Variants in PDZRN3 observed in about 807,000 individuals in gnomAD.
PDZRN3 encodes PDZ domain containing ring finger 3.
Under a neutral mutation model 85.7 loss-of-function variants are expected in PDZRN3, and 38 were observed. The ratio of observed to expected loss-of-function variants is 0.44; its 90% CI spans 0.34 to 0.58. The LOEUF is 0.58. PDZRN3 is among the 20% of genes least tolerant of loss of function. The pLI is 0.01. For missense variants in PDZRN3, 1,629 were observed against 1,506.4 expected (o/e 1.08, Z -1.35); for synonymous variants, 759 against 638.0 (o/e 1.19, Z -2.86).
At chr3:73,607,035 C>T (rs1702610686) in intron 2 of PDZRN3, among the ~76,000 whole-genome samples, 1 of 152,144 alleles carries the variant, frequency 6.6e-6, no homozygotes, top group Admixed American at 6.5e-5. Context: ...TCAACTCTTT[C>T]CACACTCTGC....
intron 3 of PDZRN3, among the ~76,000 whole-genome samples, chr3:73,445,823 A>G (rs1054009106): frequency 1.3e-5 from 2 of 152,248 alleles, no homozygotes; most frequent in Non-Finnish European, 2.9e-5. Flanking sequence ...ACTAGATCAC[A>G]GGCAACACAT....
rs58852414 is a variant in PDZRN3 at position 73,519,089 on chromosome 3, G to A, written c.918+83265C>T. ...CCCTCATGAGACCACCTCGAAGGGA[G>A]AGACCCCAACCTCACTTATCTACTT... On this transcript the variant is annotated intron_variant, in intron 3 of 9. Transcript: ENST00000263666. Among the ~76,000 whole-genome samples the A allele has an allele frequency of 6.4e-3, 969 of 152,344 alleles. 9 individuals carry two copies. Among genetic ancestry groups the A allele is most frequent in the African/African-American group, 0.022 (907 of 41,576 alleles).
At chr3:73,502,729 A>C (rs780264388) in intron 3 of PDZRN3, among the ~76,000 whole-genome samples, 2 of 152,254 alleles carry the variant, frequency 1.3e-5, no homozygotes, top group Non-Finnish European at 2.9e-5. Flanking sequence ...AAATGGTCAG[A>C]TGGAAAGCAA....
rs1445527499 is a variant in PDZRN3 at position 73,384,799 on chromosome 3, A to C, written c.1767T>G (p.Asn589Lys). Residue 589 changes from asparagine (N) to lysine (K), a missense_variant, in exon 10 of 10, where the codon AAT (asparagine) becomes AAG (lysine). Transcript: ENST00000263666. ...TGGAGGATGCGGTGGCGTCGTCGCC[A>C]TTGTTCTCTTGCTCCGAGCTCTCGT... ...RNDESSEQEN[N>K]GDDATASSNP... 16 of 1,614,002 alleles carry C rather than the reference A, an allele frequency of 9.9e-6. No individual in the cohort carries two copies. Among genetic ancestry groups the C allele is most frequent in the Non-Finnish European group, 1.4e-5 (16 of 1,180,032 alleles).
chr3:73,545,908 G>T (rs148779590), intron 3 of PDZRN3, among the ~76,000 whole-genome samples: 1 of 152,016 alleles, frequency 6.6e-6, no homozygotes, highest in Non-Finnish European at 1.5e-5. Context: ...GGGGAGGATC[G>T]GAGGATCTTT....
chr3:73,383,105 G>C lies in PDZRN3; in HGVS notation c.*260C>G, dbSNP rs1703279948. 3 of 379,898 alleles carry C rather than the reference G, an allele frequency of 7.9e-6. No individual in the cohort carries two copies. The highest frequency in any genetic ancestry group is 1.4e-5 in the Non-Finnish European group (3 of 213,510). 23.5% of individuals were successfully genotyped at this position (379,898 alleles called of 1,614,324 possible). A position where few individuals can be genotyped will look rare whatever the true frequency, so the allele number is the denominator to read the frequency against. ...TGAAATTTAAACACTTTATGTAAAAGGGTACAGGTAGAAAAGTACAATTGC... is the reference window on the plus strand; with the variant it reads ...TGAAATTTAAACACTTTATGTAAAACGGTACAGGTAGAAAAGTACAATTGC... On this transcript the variant is annotated 3_prime_UTR_variant, in exon 10 of 10. Coordinates refer to ENST00000263666, the MANE Select transcript of PDZRN3 (RefSeq NM_015009.3).
chr3:73,590,268 CAA>C (rs10685167), intron 3 of PDZRN3, among the ~76,000 whole-genome samples: 19 of 97,530 alleles, frequency 1.9e-4, no homozygotes, highest in South Asian at 1.1e-3. Context: ...GACTCTGTCT[CAA>C]AAAAAAAAAA....
chr3:73,414,490 A>T (rs768479276), intron 3 of PDZRN3, among the ~76,000 whole-genome samples: 1 of 152,162 alleles, frequency 6.6e-6, no homozygotes, highest in Middle Eastern at 3.2e-3. Flanking sequence ...GTATCACTTG[A>T]TCAAAATTAA....
chr3:73,524,425 T>C (rs983633502), intron 3 of PDZRN3, among the ~76,000 whole-genome samples: 10 of 152,200 alleles, frequency 6.6e-5, no homozygotes, highest in African/African-American at 2.4e-4. Context: ...AGTAACAAAT[T>C]AGCCTCTCTG....
At chr3:73,476,159 G>A (rs1355459414) in intron 3 of PDZRN3, among the ~76,000 whole-genome samples, 4 of 152,120 alleles carry the variant, frequency 2.6e-5, no homozygotes, top group Non-Finnish European at 5.9e-5. Context: ...ATTGCTATAA[G>A]GAACTACCTG....
chr3:73,453,404 CAAAAA>C (rs1184407369), intron 3 of PDZRN3, among the ~76,000 whole-genome samples: 8 of 97,522 alleles, frequency 8.2e-5, no homozygotes, highest in East Asian at 3.0e-4. Flanking sequence ...GACTTCGTCT[CAAAAA>C]AAAAAAAAAA....
rs567687396 is a variant in PDZRN3 at position 73,433,517 on chromosome 3, G to A, written c.919-29122C>T. ...TACACAAAAAAGTCAGAAAGGCTGCGTCTTTCAGAACACAAAATATGCACA... is the reference window on the plus strand; with the variant it reads ...TACACAAAAAAGTCAGAAAGGCTGCATCTTTCAGAACACAAAATATGCACA... On this transcript the variant is annotated intron_variant, in intron 3 of 9. Coordinates refer to ENST00000263666, the MANE Select transcript of PDZRN3 (RefSeq NM_015009.3). 320 of 645,710 alleles carry A rather than the reference G, an allele frequency of 5.0e-4. 1 individual carries two copies. The highest frequency in any genetic ancestry group is 1.5e-3 in the Admixed American group (53 of 35,084). 40.0% of individuals were successfully genotyped at this position (645,710 alleles called of 1,614,324 possible). A position where few individuals can be genotyped will look rare whatever the true frequency, so the allele number is the denominator to read the frequency against.
chr3:73,463,716 A>G (rs1423781796), intron 3 of PDZRN3, among the ~76,000 whole-genome samples: 2 of 152,200 alleles, frequency 1.3e-5, no homozygotes, highest in African/African-American at 4.8e-5. Flanking sequence ...AGACACATTC[A>G]CATGTATGTT....
intron 3 of PDZRN3, among the ~76,000 whole-genome samples, chr3:73,427,858 T>C (rs911769325): frequency 6.6e-6 from 1 of 151,892 alleles, no homozygotes; most frequent in African/African-American, 2.4e-5. Context: ...GTCCAGGAGG[T>C]TGGGGTTGAA....
At position 73,384,435 on chromosome 3, in the gene PDZRN3, G is replaced by T; in HGVS notation, c.2131C>A (p.Leu711Ile). 1 of 1,611,678 alleles carries T rather than the reference G, an allele frequency of 6.2e-7. No individual in the cohort carries two copies. Residue 711 changes from leucine to isoleucine, a missense_variant, in exon 10 of 10, where the codon CTC becomes ATC. Leu to Ile is a conservative substitution (Grantham distance 5). Transcript: ENST00000263666. ...CAGGACTCGCGGTACTGCTCCTTGA[G>T]CTGCTGCATCTTGTGGGCGCGCACG... ...SIVRAHKMQQLKEQYRESWML... is the reference protein window; with the variant it reads ...SIVRAHKMQQIKEQYRESWML...
chr3:73,506,669 A>C (rs1490757244), intron 3 of PDZRN3, among the ~76,000 whole-genome samples: 2 of 152,200 alleles, frequency 1.3e-5, no homozygotes, highest in South Asian at 2.1e-4. Context: ...TTTTCTGGAG[A>C]GATATCTAAA....
At chr3:73,498,061 G>A (rs529291961) in intron 3 of PDZRN3, among the ~76,000 whole-genome samples, 4 of 152,234 alleles carry the variant, frequency 2.6e-5, no homozygotes, top group East Asian at 3.9e-4. Context: ...CTGAAGTTCC[G>A]CCAGAGAAGG....
At chr3:73,398,935 G>GA (rs1701694721) in intron 5 of PDZRN3, among the ~76,000 whole-genome samples, 1 of 152,150 alleles carries the variant, frequency 6.6e-6, no homozygotes, top group Admixed American at 6.5e-5. Flanking sequence ...AAGAGAAATA[G>GA]AAAGCACGTA....
At chr3:73,515,527 C>G (rs988282550) in intron 3 of PDZRN3, among the ~76,000 whole-genome samples, 2 of 152,142 alleles carry the variant, frequency 1.3e-5, no homozygotes, top group African/African-American at 4.8e-5. Context: ...CTCCCAACTC[C>G]AAAAAGTTCC....
Sources: allele counts gnomAD v4.1 joint callset (sites outside exome capture counted in the v4.1 genomes callset), GRCh38; gene constraint gnomAD v4.1.1; transcripts MANE v1.5; gene names NCBI Gene and HGNC (gene_info 2026-07-23, HGNC 2026-07-21).